The following DNAH11 variants were observed in gnomAD, a reference collection of about 807,000 sequenced individuals.
The protein encoded by DNAH11 is axonemal beta dynein heavy chain 11.
Under a neutral mutation model 526.0 loss-of-function variants are expected in DNAH11, and 442 were observed. The observed-to-expected ratio is 0.84, with a 90% CI of 0.78 to 0.91. The LOEUF is 0.91. DNAH11 is among the 40% of genes least tolerant of loss of function. The pLI is 0.00. For missense variants in DNAH11, 6,989 were observed against 5,448.7 expected (o/e 1.28, Z -8.90); for synonymous variants, 2,461 against 1,935.9 (o/e 1.27, Z -7.12).
At chr7:21,713,885 C>G (rs1479849109) in intron 42 of DNAH11, among the ~76,000 whole-genome samples, 1 of 152,124 alleles carries the variant, frequency 6.6e-6, no homozygotes, top group Non-Finnish European at 1.5e-5. Context: ...GATAATAACT[C>G]CTTTCCACAC....
At chr7:21,718,434 T>C (rs1007812677) in intron 43 of DNAH11, among the ~76,000 whole-genome samples, 1 of 152,224 alleles carries the variant, frequency 6.6e-6, no homozygotes, top group African/African-American at 2.4e-5. Context: ...CTCTGAATTC[T>C]ACCACCTAGG....
intron 45 of DNAH11, among the ~76,000 whole-genome samples, chr7:21,727,967 C>A (rs1447034380): frequency 3.3e-5 from 5 of 152,184 alleles, no homozygotes; most frequent in Non-Finnish European, 7.3e-5. Flanking sequence ...TTCATGCTCA[C>A]TGTCTCCCTG....
At chr7:21,677,271 T>C (rs1053828387) in intron 30 of DNAH11, among the ~76,000 whole-genome samples, 6 of 150,062 alleles carry the variant, frequency 4.0e-5, no homozygotes, top group African/African-American at 1.5e-4. Context: ...GGCATTGACA[T>C]CATCATTCAA....
intron 7 of DNAH11, 120 bp from the exon 8 acceptor site, chr7:21,571,686 C>A: frequency 1.8e-6 from 1 of 541,078 alleles, no homozygotes; most frequent in Non-Finnish European, 2.9e-6. Context: ...TATTTATTTT[C>A]TGTCATTTTC....
chr7:21,683,814 T>A lies in DNAH11; in HGVS notation c.5491T>A (p.Ser1831Thr), dbSNP rs1336120886. 4 of 1,611,244 alleles carry A rather than the reference T, an allele frequency of 2.5e-6. No individual in the cohort carries two copies. In the East Asian group the frequency reaches 8.9e-5, roughly 36 times the overall value. Reference protein sequence around the residue: ...VVSPQAFTWLSQLRHRWEDTQ... With the variant: ...VVSPQAFTWLTQLRHRWEDTQ... ...CAGTCCCCAAGCTTTTACATGGCTG[T>A]CTCAACTTCGTCACCGATGGGAGGA... is the stretch of plus-strand genomic sequence containing the variant. Residue 1831 changes from serine to threonine, a missense_variant, in exon 32 of 82, where the codon TCT (serine) becomes ACT (threonine). Physicochemically the swap from Ser to Thr is moderately conservative, Grantham distance 58. Transcript: ENST00000409508.
intron 56 of DNAH11, among the ~76,000 whole-genome samples, chr7:21,774,409 A>G (rs976670652): frequency 6.6e-6 from 1 of 152,110 alleles, no homozygotes; most frequent in African/African-American, 2.4e-5. Flanking sequence ...GACTGTGGCG[A>G]GATCCCAAGG....
intron 27 of DNAH11, among the ~76,000 whole-genome samples, chr7:21,638,720 G>GTGTGTGTT (rs1786982416): frequency 1.3e-5 from 2 of 151,394 alleles, no homozygotes; most frequent in South Asian, 4.2e-4. Context: ...GTGTGTGTGT[G>GTGTGTGTT]TGTGTGTGTG....
intron 61 of DNAH11, among the ~76,000 whole-genome samples, chr7:21,795,111 C>G (rs1266120513): frequency 6.6e-6 from 1 of 152,144 alleles, no homozygotes; most frequent in East Asian, 1.9e-4. Context: ...CTCTGCCTTT[C>G]TGGTGACATC....
At chr7:21,866,966 C>T (rs17145743) in intron 71 of DNAH11, among the ~76,000 whole-genome samples, 81,529 of 152,092 alleles carry the variant, frequency 0.54, 26,740 homozygotes, top group Non-Finnish European at 0.74. Flanking sequence ...AGGCCAGGAA[C>T]ATGCATTCAT....
At chr7:21,844,237 C>T (rs953175599) in intron 66 of DNAH11, among the ~76,000 whole-genome samples, 3 of 152,102 alleles carry the variant, frequency 2.0e-5, no homozygotes, top group Non-Finnish European at 4.4e-5. Flanking sequence ...CCAGCCTGGC[C>T]AACATGGCAA....
chr7:21,745,635 A>G (rs991229143), intron 51 of DNAH11, among the ~76,000 whole-genome samples: 2 of 152,204 alleles, frequency 1.3e-5, no homozygotes, highest in African/African-American at 2.4e-5. Flanking sequence ...AGTGAACACA[A>G]TCCAGTCCCC....
At chr7:21,656,414 A>G (rs1349981005) in intron 29 of DNAH11, among the ~76,000 whole-genome samples, 1 of 152,188 alleles carries the variant, frequency 6.6e-6, no homozygotes, top group Non-Finnish European at 1.5e-5. Flanking sequence ...GTCCATTGTG[A>G]ATGTTATAAA....
chr7:21,708,315 C>T (rs537231820), intron 40 of DNAH11, among the ~76,000 whole-genome samples: 159 of 152,304 alleles, frequency 1.0e-3, no homozygotes, highest in Non-Finnish European at 1.8e-3. Context: ...TCCTTGAGGC[C>T]TCTCTCCCTC....
rs556256889 is a variant in DNAH11, at chr7:21,899,865, G to A, written c.13163-115G>A. ...TGCTCCAGCGCAGCCATGTGCCAAT[G>A]CCCAAGAACCTAAAACACCCTATGG... On this transcript the variant is annotated intron_variant, in intron 80 of 81. Transcript: ENST00000409508. 2.3e-6 allele frequency: 3 copies of A among 1,315,582 alleles called. No homozygotes were observed. In the South Asian group the frequency reaches 4.6e-5, roughly 20 times the overall value. The allele number at this position is 1,315,582 out of a possible 1,614,324, so 81.5% of individuals were successfully genotyped here.
chr7:21,574,974 A>C (rs1784031630), intron 8 of DNAH11, among the ~76,000 whole-genome samples: 3 of 144,006 alleles, frequency 2.1e-5, no homozygotes. Flanking sequence ...TCCCAGGTTC[A>C]AGTGATTCTC....
chr7:21,842,818 A>G (rs1562578858), intron 66 of DNAH11, 70 bp downstream of exon 66: 2 of 1,329,978 alleles, frequency 1.5e-6, no homozygotes, highest in Non-Finnish European at 2.0e-6. Flanking sequence ...TGCTAGACAT[A>G]GAAGTATAAA....
chr7:21,613,969 G>GT (rs979023373), intron 20 of DNAH11, among the ~76,000 whole-genome samples: 1 of 149,348 alleles, frequency 6.7e-6, no homozygotes, highest in Admixed American at 6.7e-5. Context: ...TAGAGATGAG[G>GT]TTTTGCTACA....
chr7:21,582,321 C>A (rs549094489), intron 9 of DNAH11, among the ~76,000 whole-genome samples: 5 of 152,308 alleles, frequency 3.3e-5, no homozygotes, highest in South Asian at 2.1e-4. Context: ...AAAATTAAGT[C>A]ACAGTGAAAA....
Position 21,690,901 on chromosome 7 carries a change from G to T in DNAH11, c.6041+20G>T. The T allele has an allele frequency of 6.3e-7, 1 of 1,575,426 alleles. No homozygotes were observed. Among genetic ancestry groups the T allele is most frequent in the Non-Finnish European group, 8.7e-7 (1 of 1,148,302 alleles). ...TTTCAGGCAAGTGTTATGCTTTGTGGCTTAGCATCTGGTGCACTCATGCCA... is the reference window on the plus strand; with the variant it reads ...TTTCAGGCAAGTGTTATGCTTTGTGTCTTAGCATCTGGTGCACTCATGCCA... On this transcript the variant is annotated intron_variant, in intron 35 of 81. Coordinates refer to ENST00000409508, the MANE Select transcript of DNAH11 (RefSeq NM_001277115.2).
Sources: gnomAD v4.1 joint callset for allele counts (sites outside exome capture counted in the v4.1 genomes callset) on GRCh38, gnomAD v4.1.1 for gene constraint, MANE v1.5 for transcripts, NCBI Gene and HGNC (gene_info 2026-07-23, HGNC 2026-07-21) for gene names.